Variants in MEGF8 observed in about 807,000 individuals in gnomAD.
The protein encoded by MEGF8 is multiple epidermal growth factor-like domains protein 8.
A neutral mutation model predicts 302.9 loss-of-function variants in MEGF8; 156 were observed. The ratio of observed to expected loss-of-function variants is 0.52; its 90% CI spans 0.45 to 0.59. The LOEUF (loss-of-function observed/expected upper bound fraction) is 0.59, where lower values mean the gene tolerates loss of function less well. Among genes scored for constraint, MEGF8 ranks in the 20% least tolerant of loss-of-function variants. The pLI, the probability that MEGF8 is intolerant of heterozygous loss-of-function variation, is 0.00. For synonymous variants in MEGF8, 1,621 were observed against 1,660.5 expected (o/e 0.98, Z 0.58); for missense variants, 3,345 against 3,964.5 (o/e 0.84, Z 4.20).
rs147537769 is a variant in MEGF8, at chr19:42,357,807, C to T, written c.5011+223C>T. Among the ~76,000 whole-genome samples, 86 of 152,310 alleles carry T rather than the reference C, an allele frequency of 5.6e-4. No individual in the cohort carries two copies. The East Asian group carries it at 0.014, about 25-fold the overall frequency. ...ACTCCCGGCCACATGTGGCCACCGT[C>T]CCCTGCCCCCAGGGTCTGAGCTCCC... On this transcript the variant is annotated intron_variant, in intron 28 of 41. Coordinates refer to ENST00000251268, the MANE Select transcript of MEGF8 (RefSeq NM_001271938.2). This position sits in a 1 kb window ranked among gnomAD's most constrained non-coding sequence, Gnocchi z 5.2.
rs1048647525 is a variant in MEGF8 at position 42,350,439 on chromosome 19, A to G, written c.2736+55A>G. 4.9e-6 allele frequency: 7 copies of G among 1,418,518 alleles called. No homozygotes were observed. The Admixed American group carries it at 1.1e-4, about 22-fold the overall frequency. 87.9% of individuals were successfully genotyped at this position (1,418,518 alleles called of 1,614,324 possible). A position where few individuals can be genotyped will look rare whatever the true frequency, so the allele number is the denominator to read the frequency against. On this transcript the variant is annotated intron_variant, in intron 15 of 41. Coordinates refer to ENST00000251268, the MANE Select transcript of MEGF8 (RefSeq NM_001271938.2). ...AAGGTGGAGGGAGCCACAGCAGGCA[A>G]TGGGCAGTCAAGGGAACCCCTGGTG...
chr19:42,376,979 G>C lies in MEGF8; in HGVS notation c.*204G>C, dbSNP rs2039779067. ...CCTACTCTGTCAGGCACTGTCATAG[G>C]CGTGGGGCAAAGCAGGAACCAAGAG... On this transcript the variant is annotated 3_prime_UTR_variant, in exon 42 of 42. Coordinates refer to ENST00000251268, the MANE Select transcript of MEGF8 (RefSeq NM_001271938.2). The surrounding 1 kb of genome is among the most constrained non-coding windows in gnomAD (Gnocchi z 8.2). The C allele has an allele frequency of 1.9e-6, 1 of 515,214 alleles. No individual in the cohort carries two copies. Among genetic ancestry groups the C allele is most frequent in the Non-Finnish European group, 3.2e-6 (1 of 314,290 alleles). 31.9% of individuals were successfully genotyped at this position (515,214 alleles called of 1,614,324 possible). A position where few individuals can be genotyped will look rare whatever the true frequency, so the allele number is the denominator to read the frequency against.
chr19:42,363,234 A>G lies in MEGF8; in HGVS notation c.6245A>G (p.His2082Arg). 2 of 1,606,524 alleles carry G rather than the reference A, an allele frequency of 1.2e-6. No individual in the cohort carries two copies. The highest frequency in any genetic ancestry group is 1.7e-6 in the Non-Finnish European group (2 of 1,176,782). Residue 2082 changes from histidine (H) to arginine (R), a missense_variant, in exon 35 of 42, where the codon CAC becomes CGC. Coordinates refer to ENST00000251268, the MANE Select transcript of MEGF8 (RefSeq NM_001271938.2). ...DSKGADGGWQ[H>R]CVWSSSLQQC... ...AAGGGAGCAGATGGGGGCTGGCAGCACTGTGTTTGGAGCAGCAGCCTGCAG... is the reference window on the plus strand; with the variant it reads ...AAGGGAGCAGATGGGGGCTGGCAGCGCTGTGTTTGGAGCAGCAGCCTGCAG...
chr19:42,327,573 C>T (rs374481139), intron 1 of MEGF8, among the ~76,000 whole-genome samples: 4 of 152,190 alleles, frequency 2.6e-5, no homozygotes, highest in Admixed American at 1.3e-4. Flanking sequence ...AAACCCACTC[C>T]GAGGCTGTTT....
At chr19:42,349,012 C>G (rs532874760) in intron 13 of MEGF8, among the ~76,000 whole-genome samples, 2 of 152,178 alleles carry the variant, frequency 1.3e-5, no homozygotes, top group Non-Finnish European at 2.9e-5. Flanking sequence ...TTGAAAGGCC[C>G]CTGAAGGCTG....
chr19:42,356,842 C>T lies in MEGF8; in HGVS notation c.4691C>T (p.Ser1564Leu), dbSNP rs758739283. Residue 1564 changes from serine to leucine, a missense_variant, in exon 27 of 42, where the codon TCG (serine) becomes TTG (leucine). Coordinates refer to ENST00000251268, the MANE Select transcript of MEGF8 (RefSeq NM_001271938.2). This position sits in a 1 kb window ranked among gnomAD's most constrained non-coding sequence, Gnocchi z 5.2. ...AGAEDGGPGPSPRSFHAAAYV... is the reference protein window; with the variant it reads ...AGAEDGGPGPLPRSFHAAAYV... Reference sequence around the variant, plus strand: ...GCCGAGGACGGGGGCCCAGGCCCATCGCCCCGCTCCTTCCATGCAGCCGCA... The same window carrying T: ...GCCGAGGACGGGGGCCCAGGCCCATTGCCCCGCTCCTTCCATGCAGCCGCA... 9 of 1,566,734 alleles carry T rather than the reference C, an allele frequency of 5.7e-6. No individual in the cohort carries two copies. The highest frequency in any genetic ancestry group is 1.4e-5 in the African/African-American group (1 of 73,814).
In MEGF8 at chr19:42,351,349, G is replaced by T; in HGVS notation, c.2855+15G>T. ...CTCTGCAGCCAGTGAGTCAGGCTGG[G>T]TGCAGGGAGTGGGTGGGTGGATGTG... On this transcript the variant is annotated intron_variant, in intron 16 of 41. Coordinates refer to ENST00000251268, the MANE Select transcript of MEGF8 (RefSeq NM_001271938.2). This position sits in a 1 kb window ranked among gnomAD's most constrained non-coding sequence, Gnocchi z 5.6. The T allele has an allele frequency of 6.4e-7, 1 of 1,567,258 alleles. No homozygotes were observed. The highest frequency in any genetic ancestry group is 8.7e-7 in the Non-Finnish European group (1 of 1,155,614).
rs532673964 is a variant in MEGF8, at chr19:42,369,605, G to A, written c.6716G>A (p.Arg2239His). 18 of 1,612,670 alleles carry A rather than the reference G, an allele frequency of 1.1e-5. No individual in the cohort carries two copies. The highest frequency in any genetic ancestry group is 1.7e-4 in the Middle Eastern group (1 of 5,888). ...NGSCVEPDHCRCHFGFVGRNC... is the reference protein window; with the variant it reads ...NGSCVEPDHCHCHFGFVGRNC... ...TCATGTGTGGAGCCCGACCACTGCC[G>A]CTGCCACTTTGGCTTTGTGGGCCGC... The change falls in exon 38 of 42, where the codon CGC becomes CAC. Residue 2239 changes from arginine (R) to histidine (H), a missense_variant. Arg to His is a conservative substitution (Grantham distance 29). Coordinates refer to ENST00000251268, the MANE Select transcript of MEGF8 (RefSeq NM_001271938.2). The surrounding 1 kb of genome is among the most constrained non-coding windows in gnomAD (Gnocchi z 5.7).
At position 42,355,743 on chromosome 19, in the gene MEGF8, CCT is replaced by C. The variant is rs2039441683; in HGVS notation, c.4145-8_4145-7del. ...ACGTGACTTTGCTACCAGCCTCTGGCCTCTCTCTTCACAGGGCTGCTCGTGCT... is the reference window on the plus strand; with the variant it reads ...ACGTGACTTTGCTACCAGCCTCTGGCCTCTCTTCACAGGGCTGCTCGTGCT... On this transcript the variant is annotated splice_polypyrimidine_tract_variant and intron_variant, in intron 23 of 41. Transcript: ENST00000251268. The C allele has an allele frequency of 1.9e-6, 3 of 1,556,524 alleles. No homozygotes were observed. Among genetic ancestry groups the C allele is most frequent in the South Asian group, 1.2e-5 (1 of 84,754 alleles).
intron 13 of MEGF8, 150 bp downstream of exon 13, chr19:42,348,622 C>G (rs1196370270): frequency 1.3e-6 from 1 of 772,940 alleles, no homozygotes; most frequent in African/African-American, 1.8e-5. Flanking sequence ...GTGTGTAAGA[C>G]AGAGTCTCAC....
chr19:42,365,453 A>G (rs550811598), intron 35 of MEGF8, among the ~76,000 whole-genome samples: 7 of 152,102 alleles, frequency 4.6e-5, no homozygotes, highest in Non-Finnish European at 8.8e-5. Flanking sequence ...CAGACTTTCT[A>G]TGAAACCTCC....
intron 35 of MEGF8, among the ~76,000 whole-genome samples, chr19:42,365,559 A>T (rs2039592156): frequency 6.7e-6 from 1 of 149,420 alleles, no homozygotes; most frequent in African/African-American, 2.5e-5. Context: ...TGAGGCCAGG[A>T]GTTCGAGACC....
chr19:42,343,652 GA>G, intron 9 of MEGF8, 21 bp downstream of exon 9: 1 of 1,585,212 alleles, frequency 6.3e-7, no homozygotes. Context: ...GGGTGACAGG[GA>G]AAGGGTGGCT....
At chr19:42,363,025 T>C (rs1392035172) in intron 34 of MEGF8, 23 bp from the exon 35 acceptor site, 1 of 1,599,670 alleles carries the variant, frequency 6.3e-7, no homozygotes, top group Non-Finnish European at 8.5e-7. Flanking sequence ...TCTGAGGTTC[T>C]AATCCCCGTG....
At position 42,357,120 on chromosome 19, in the gene MEGF8, C is replaced by T; in HGVS notation, c.4830+139C>T. The stretch of plus-strand genomic sequence containing the variant: ...ATTTCCTCGGCCATCCTGGGTCACA[C>T]TGTTGTCCTGAGCCAGTCCTGGGCT... On this transcript the variant is annotated intron_variant, in intron 27 of 41. Transcript: ENST00000251268. The surrounding 1 kb of genome is among the most constrained non-coding windows in gnomAD (Gnocchi z 5.2). 1 of 983,954 alleles carries T rather than the reference C, an allele frequency of 1.0e-6. No individual in the cohort carries two copies. The highest frequency in any genetic ancestry group is 1.5e-6 in the Non-Finnish European group (1 of 679,632). The allele number at this position is 983,954 out of a possible 1,614,324, so 61.0% of individuals were successfully genotyped here.
chr19:42,354,786 C>A lies in MEGF8; in HGVS notation c.4144+66C>A. On this transcript the variant is annotated intron_variant, in intron 23 of 41. Coordinates refer to ENST00000251268, the MANE Select transcript of MEGF8 (RefSeq NM_001271938.2). This position sits in a 1 kb window ranked among gnomAD's most constrained non-coding sequence, Gnocchi z 4.3. ...TATGTATCCCTTGCCCCTGAACTCA[C>A]CACCTGAAGTGGGCTCAGGACCCAG... is the stretch of plus-strand genomic sequence containing the variant. 1 of 1,513,234 alleles carries A rather than the reference C, an allele frequency of 6.6e-7. No homozygotes were observed. Among genetic ancestry groups the A allele is most frequent in the Non-Finnish European group, 8.9e-7 (1 of 1,128,766 alleles). 93.7% of individuals were successfully genotyped at this position (1,513,234 alleles called of 1,614,324 possible). A position where few individuals can be genotyped will look rare whatever the true frequency, so the allele number is the denominator to read the frequency against.
chr19:42,364,394 G>T (rs1218520375), intron 35 of MEGF8, among the ~76,000 whole-genome samples: 1 of 152,174 alleles, frequency 6.6e-6, no homozygotes, highest in South Asian at 2.1e-4. Context: ...TTCATACCTC[G>T]ATTATGCAAG....
In MEGF8 at chr19:42,362,394, C is replaced by A. The variant is rs759524232; in HGVS notation, c.5855C>A (p.Pro1952His). ...LQPGDGEAST[P>H]RCKWCTNCPE... is the part of the protein sequence containing the mutation. ...GTCTTCCCTCACCAGGCGTCCACCCCCCGCTGTAAGTGGTGTACCAACTGC... is the reference window on the plus strand; with the variant it reads ...GTCTTCCCTCACCAGGCGTCCACCCACCGCTGTAAGTGGTGTACCAACTGC... The change falls in exon 34 of 42, where the codon CCC becomes CAC. Residue 1952 changes from proline (P) to histidine (H), a missense_variant. Coordinates refer to ENST00000251268, the MANE Select transcript of MEGF8 (RefSeq NM_001271938.2). 7.4e-6 allele frequency: 12 copies of A among 1,613,786 alleles called. No homozygotes were observed. Among genetic ancestry groups the A allele is most frequent in the African/African-American group, 5.3e-5 (4 of 74,920 alleles).
Position 42,352,671 on chromosome 19 carries a change from G to A in MEGF8, c.3350+215G>A. 2 of 692,032 alleles carry A rather than the reference G, an allele frequency of 2.9e-6. No homozygotes were observed. Among genetic ancestry groups the A allele is most frequent in the Non-Finnish European group, 4.7e-6 (2 of 421,094 alleles). 42.9% of individuals were successfully genotyped at this position (692,032 alleles called of 1,614,324 possible). A position where few individuals can be genotyped will look rare whatever the true frequency, so the allele number is the denominator to read the frequency against. ...GGAAATGGGGCACCCATAGGCTGTGGGCCATAGTCTTCAGCGTTGCCATGG... is the reference window on the plus strand; with the variant it reads ...GGAAATGGGGCACCCATAGGCTGTGAGCCATAGTCTTCAGCGTTGCCATGG... On this transcript the variant is annotated intron_variant, in intron 19 of 41. Coordinates refer to ENST00000251268, the MANE Select transcript of MEGF8 (RefSeq NM_001271938.2). This position sits in a 1 kb window ranked among gnomAD's most constrained non-coding sequence, Gnocchi z 4.4.
Sources: allele counts gnomAD v4.1 joint callset (sites outside exome capture counted in the v4.1 genomes callset), GRCh38; gene constraint gnomAD v4.1.1; non-coding constraint Gnocchi (gnomAD v3.1); transcripts MANE v1.5; gene names NCBI Gene and HGNC (gene_info 2026-07-23, HGNC 2026-07-21).